NLGN1: variants seen among roughly 807,000 people sequenced by gnomAD.
NLGN1 encodes the protein neuroligin-1.
Under a neutral mutation model 65.5 loss-of-function variants are expected in NLGN1, and 12 were observed. The observed-to-expected ratio is 0.18, with a 90% CI of 0.12 to 0.30. NLGN1 has a LOEUF of 0.30. Ranked by LOEUF, NLGN1 falls within the 10% of genes least tolerant of loss-of-function variation. NLGN1 has a pLI of 1.00. For missense variants in NLGN1, 750 were observed against 1,007.1 expected, an observed-to-expected ratio of 0.74 and a Z score of 3.46; for synonymous variants, 350 against 359.5, an observed-to-expected ratio of 0.97 and a Z score of 0.30.
chr3:173,916,533 A>G (rs1387895760), intron 4 of NLGN1, among the ~76,000 whole-genome samples: 1 of 152,168 alleles, frequency 6.6e-6, no homozygotes, highest in African/African-American at 2.4e-5. Context: ...TTGTCATAAT[A>G]ATAATTAGGA....
intron 4 of NLGN1, among the ~76,000 whole-genome samples, chr3:174,028,421 G>C (rs1407612137): frequency 6.6e-6 from 1 of 152,188 alleles, no homozygotes; most frequent in African/African-American, 2.4e-5. Flanking sequence ...CTGGGGCAAA[G>C]GTGACTCTTG....
At chr3:173,616,826 C>T (rs1471458327) in intron 3 of NLGN1, among the ~76,000 whole-genome samples, 1 of 152,172 alleles carries the variant, frequency 6.6e-6, no homozygotes, top group Non-Finnish European at 1.5e-5. Flanking sequence ...GTGATCTTTG[C>T]TTTAAAGTCT....
intron 4 of NLGN1, among the ~76,000 whole-genome samples, chr3:174,142,666 G>A (rs895742885): frequency 3.3e-5 from 5 of 150,558 alleles, no homozygotes; most frequent in Non-Finnish European, 7.4e-5. Flanking sequence ...CTAAAACATA[G>A]CAAGACATCT....
rs1168048305 is a variant in NLGN1, at chr3:174,265,783, GTA to G, written c.647-9515_647-9514del. On this transcript the variant is annotated intron_variant, in intron 4 of 6. Transcript: ENST00000457714. ...GAAGGCTATATATATATATATATATGTATATATATATATATATAGCCAAAGTA... is the reference window on the plus strand; with the variant it reads ...GAAGGCTATATATATATATATATATGTATATATATATATATAGCCAAAGTA... 2.3e-4 allele frequency among the ~76,000 whole-genome samples: 30 copies of G among 128,450 alleles called. 1 individual carries two copies. Among genetic ancestry groups the G allele is most frequent in the East Asian group, 4.3e-4 (2 of 4,694 alleles). The allele number at this position is 128,450 out of a possible 152,430, so 84.3% of individuals were successfully genotyped here. A position where few individuals can be genotyped will look rare whatever the true frequency, so the allele number is the denominator to read the frequency against.
chr3:173,439,646 CTA>C (rs1466737785), intron 2 of NLGN1, among the ~76,000 whole-genome samples: 19 of 150,232 alleles, frequency 1.3e-4, no homozygotes, highest in Admixed American at 1.3e-3. Context: ...TTTTGTTTCT[CTA>C]GTGCATATAA....
chr3:173,733,992 A>G (rs766596685), intron 3 of NLGN1, among the ~76,000 whole-genome samples: 1 of 152,090 alleles, frequency 6.6e-6, no homozygotes, highest in Non-Finnish European at 1.5e-5. Flanking sequence ...GACAAAAGAT[A>G]TAATATTACC....
Position 174,057,130 on chromosome 3 carries a change from G to T in NLGN1, c.647-218185G>T, listed in dbSNP as rs73880327. 9.4e-3 allele frequency among the ~76,000 whole-genome samples: 1,406 copies of T among 150,278 alleles called. 26 individuals are homozygous for T. The highest frequency in any genetic ancestry group is 0.032 in the African/African-American group (1,330 of 41,012). ...GGGCCTATTAATGGCAGACTGAGGG[G>T]AAAAAAAAAGAACTTAATTGGTTTT... On this transcript the variant is annotated intron_variant, in intron 4 of 6. Coordinates refer to ENST00000457714, the Ensembl canonical transcript of NLGN1.
chr3:174,291,995 CT>C, the NLGN1 span, among the ~76,000 whole-genome samples: 47 of 151,346 alleles, frequency 3.1e-4, no homozygotes, highest in African/African-American at 1.1e-3. Flanking sequence ...GCTGTTGCTA[CT>C]CTGAAACTGC....
At chr3:173,505,566 C>G (rs1461348436) in intron 2 of NLGN1, among the ~76,000 whole-genome samples, 1 of 152,064 alleles carries the variant, frequency 6.6e-6, no homozygotes, top group African/African-American at 2.4e-5. Context: ...TATCAAGCTC[C>G]TTGGTATACT....
chr3:174,027,334 G>T (rs1729049329), intron 4 of NLGN1, among the ~76,000 whole-genome samples: 3 of 152,176 alleles, frequency 2.0e-5, no homozygotes, highest in African/African-American at 7.2e-5. Flanking sequence ...ATTCGAATTT[G>T]TTTAGTTTGT....
intron 3 of NLGN1, among the ~76,000 whole-genome samples, chr3:173,638,866 T>G (rs1021968903): frequency 1.3e-5 from 2 of 152,202 alleles, no homozygotes; most frequent in Admixed American, 6.5e-5. Flanking sequence ...TTATAGGTAT[T>G]AATTGTTTCT....
intron 3 of NLGN1, among the ~76,000 whole-genome samples, chr3:173,738,113 T>G (rs1016924000): frequency 6.6e-6 from 1 of 152,028 alleles, no homozygotes; most frequent in Admixed American, 6.6e-5. Flanking sequence ...TTTTTATTAT[T>G]GAATTGTAAG....
At chr3:174,120,305 G>A (rs1189572372) in intron 4 of NLGN1, among the ~76,000 whole-genome samples, 1 of 151,682 alleles carries the variant, frequency 6.6e-6, no homozygotes, top group Non-Finnish European at 1.5e-5. Context: ...GGCCAACATG[G>A]CAAAGCCCCA....
chr3:173,436,739 G>A (rs911205377), intron 2 of NLGN1, among the ~76,000 whole-genome samples: 1 of 152,186 alleles, frequency 6.6e-6, no homozygotes, highest in Non-Finnish European at 1.5e-5. Context: ...AATGGTAGGA[G>A]AACAGAGTGT....
intron 1 of NLGN1, among the ~76,000 whole-genome samples, chr3:173,401,207 C>G (rs1717624736): frequency 6.6e-6 from 1 of 152,044 alleles, no homozygotes; most frequent in African/African-American, 2.4e-5. Context: ...CTCTATCCAC[C>G]AGATGCTGGT....
At chr3:173,756,766 T>TA (rs10714578) in intron 3 of NLGN1, among the ~76,000 whole-genome samples, 2,696 of 139,974 alleles carry the variant, frequency 0.019, 61 homozygotes, top group African/African-American at 0.066. Flanking sequence ...TGGATAAATG[T>TA]AAAAAAAAAA....
At chr3:174,111,514 C>T (rs900527844) in intron 4 of NLGN1, among the ~76,000 whole-genome samples, 5 of 151,766 alleles carry the variant, frequency 3.3e-5, no homozygotes, top group African/African-American at 1.2e-4. Flanking sequence ...TTAATTTTAA[C>T]AATATATTAA....
intron 3 of NLGN1, among the ~76,000 whole-genome samples, chr3:173,623,643 T>C (rs556067918): frequency 5.3e-4 from 80 of 152,156 alleles, no homozygotes; most frequent in African/African-American, 1.8e-3. Context: ...GAAGGAAAGA[T>C]TGATTGGGAC....
At chr3:173,935,932 C>T (rs910407518) in intron 4 of NLGN1, among the ~76,000 whole-genome samples, 2 of 151,934 alleles carry the variant, frequency 1.3e-5, no homozygotes, top group Admixed American at 1.3e-4. Flanking sequence ...TCCCCATGGA[C>T]AGTGTGAAGC....
Sources: allele counts gnomAD v4.1 joint callset (sites outside exome capture counted in the v4.1 genomes callset), GRCh38; gene constraint gnomAD v4.1.1; transcripts MANE v1.5; gene names NCBI Gene and HGNC (gene_info 2026-07-23, HGNC 2026-07-21).